Variants in WDFY3 observed in about 807,000 individuals in gnomAD.
The protein encoded by WDFY3 is WD repeat and FYVE domain-containing protein 3.
Under a neutral mutation model 409.6 loss-of-function variants are expected in WDFY3, and 66 were observed. The observed-to-expected ratio is 0.16, with a 90% CI of 0.13 to 0.20. The LOEUF is 0.20. WDFY3 is among the 10% of genes least tolerant of loss of function. The pLI, the probability that WDFY3 is intolerant of heterozygous loss-of-function variation, is 1.00. For synonymous variants in WDFY3, 1,521 were observed against 1,537.1 expected (o/e 0.99, Z 0.25); for missense variants, 3,031 against 4,298.1 (o/e 0.71, Z 8.24).
At chr4:84,885,264 C>T (rs1008958447) in intron 3 of WDFY3, among the ~76,000 whole-genome samples, 7 of 151,630 alleles carry the variant, frequency 4.6e-5, no homozygotes, top group Non-Finnish European at 1.0e-4. Context: ...CTTGGCCTCC[C>T]TAAGTGCTGG....
intron 3 of WDFY3, chr4:84,886,489 C>T (rs1457750982): frequency 6.6e-6 from 1 of 151,822 alleles, no homozygotes; most frequent in Non-Finnish European, 1.5e-5. Flanking sequence ...ATGTTTAAAT[C>T]AGATACATGT....
At chr4:84,830,340 G>C (rs1755519060) in intron 8 of WDFY3, among the ~76,000 whole-genome samples, 1 of 152,132 alleles carries the variant, frequency 6.6e-6, no homozygotes, top group Non-Finnish European at 1.5e-5. Flanking sequence ...ACAGTATTCA[G>C]TACATTACAT....
intron 23 of WDFY3, among the ~76,000 whole-genome samples, chr4:84,786,391 A>G (rs1488289520): frequency 7.2e-5 from 11 of 152,210 alleles, no homozygotes; most frequent in Non-Finnish European, 1.5e-4. Context: ...AGCACAACGT[A>G]AAGGATGAAA....
chr4:84,706,772 A>AAG (rs1253828392), intron 53 of WDFY3, among the ~76,000 whole-genome samples: 1 of 152,002 alleles, frequency 6.6e-6, no homozygotes, highest in East Asian at 1.9e-4. Context: ...AAAGCCACTA[A>AAG]ATTACAAGAG....
chr4:84,796,810 C>T (rs952801390), intron 18 of WDFY3, 58 bp from the exon 19 acceptor site: 1 of 1,436,984 alleles, frequency 7.0e-7, no homozygotes, highest in Non-Finnish European at 9.6e-7. Flanking sequence ...AATAACTTTA[C>T]AAGGCTGATT....
rs752798937 is a variant in WDFY3 at position 84,691,689 on chromosome 4, G to C, written c.9146C>G (p.Thr3049Ser). Residue 3049 changes from threonine to serine, a missense_variant, in exon 60 of 68, where the codon ACT (threonine) becomes AGT (serine). By Grantham distance (58) the Thr-to-Ser change is moderately conservative. Transcript: ENST00000295888. ...GAGGTCTGCATAGCCCCAAGCAAAAGTTTTATTCCAGGTTGGTGGGATAAG... is the reference window on the plus strand; with the variant it reads ...GAGGTCTGCATAGCCCCAAGCAAAACTTTTATTCCAGGTTGGTGGGATAAG... ...KVLIPPTWNK[T>S]FAWGYADLSC... 3.3e-5 allele frequency: 54 copies of C among 1,613,978 alleles called. No homozygotes were observed. Among genetic ancestry groups the C allele is most frequent in the Non-Finnish European group, 4.4e-5 (52 of 1,180,004 alleles).
intron 60 of WDFY3, 23 bp from the exon 61 acceptor site, chr4:84,690,687 GAC>G (rs1729111922): frequency 3.1e-6 from 5 of 1,596,956 alleles, no homozygotes; most frequent in Admixed American, 1.7e-5. Flanking sequence ...ACGGATGTGA[GAC>G]ACACATGCCG....
intron 56 of WDFY3, among the ~76,000 whole-genome samples, chr4:84,699,934 G>A (rs996761060): frequency 2.0e-5 from 3 of 151,004 alleles, no homozygotes; most frequent in Admixed American, 6.6e-5. Context: ...AGTTATAAAA[G>A]TTGTTTATAT....
intron 33 of WDFY3, 73 bp downstream of exon 33, chr4:84,756,853 G>A: frequency 7.0e-7 from 1 of 1,425,630 alleles, no homozygotes; most frequent in African/African-American, 1.4e-5. Context: ...TGGTTTTACA[G>A]TGATTATCCA....
chr4:84,702,543 C>G (rs764603894), intron 55 of WDFY3, 37 bp from the exon 56 acceptor site: 1 of 1,503,170 alleles, frequency 6.7e-7, no homozygotes, highest in Non-Finnish European at 8.9e-7. Flanking sequence ...ATTAGAGAAC[C>G]GTTCCCACCT....
chr4:84,840,863 G>C (rs909550952), intron 6 of WDFY3, among the ~76,000 whole-genome samples: 4 of 151,744 alleles, frequency 2.6e-5, no homozygotes, highest in African/African-American at 9.7e-5. Context: ...TTACAGGTGT[G>C]AGCCTCTGAG....
At chr4:84,705,543 T>C (rs745378786) in intron 53 of WDFY3, 32 bp from the exon 54 acceptor site, 1 of 1,527,476 alleles carries the variant, frequency 6.5e-7, no homozygotes. Flanking sequence ...AATTCCAAGT[T>C]ACTATACACT....
At chr4:84,784,786 C>T (rs547002813) in intron 24 of WDFY3, among the ~76,000 whole-genome samples, 6 of 145,382 alleles carry the variant, frequency 4.1e-5, no homozygotes, top group African/African-American at 1.0e-4. Context: ...TGCAGTGAGC[C>T]GAGATCACAC....
intron 10 of WDFY3, among the ~76,000 whole-genome samples, chr4:84,826,383 T>G (rs1053866255): frequency 5.3e-5 from 8 of 152,190 alleles, no homozygotes; most frequent in Admixed American, 3.3e-4. Context: ...CTTGAGTATC[T>G]GTGGATTTTG....
intron 63 of WDFY3, chr4:84,682,923 A>C (rs577387415): frequency 2.2e-4 from 35 of 158,474 alleles, no homozygotes; most frequent in South Asian, 1.3e-3. Flanking sequence ...CAGAGGTTTC[A>C]GTAAGCCGAG....
intron 3 of WDFY3, among the ~76,000 whole-genome samples, chr4:84,896,242 G>A (rs116423731): frequency 0.066 from 10,084 of 151,824 alleles, 456 homozygotes; most frequent in Admixed American, 0.12. Context: ...GCAACAGAGC[G>A]ACACTACATC....
chr4:84,694,496 T>C (rs1187680842), intron 58 of WDFY3, among the ~76,000 whole-genome samples: 1 of 152,274 alleles, frequency 6.6e-6, no homozygotes, highest in African/African-American at 2.4e-5. Flanking sequence ...TTGATTTTTA[T>C]GTTCAGAATA....
chr4:84,679,841 T>TATATATATATACACAC (rs1235574031), intron 64 of WDFY3, among the ~76,000 whole-genome samples: 13 of 141,314 alleles, frequency 9.2e-5, no homozygotes, highest in African/African-American at 3.4e-4. Flanking sequence ...TATATATATA[T>TATATATATATACACAC]ACACACACAC....
At chr4:84,798,180 AAAAG>A in intron 17 of WDFY3, 72 bp from the exon 18 acceptor site, 2 of 1,279,478 alleles carry the variant, frequency 1.6e-6, no homozygotes, top group Non-Finnish European at 2.2e-6. Flanking sequence ...AATATTCAGA[AAAAG>A]AATTTAATAA....
Sources: allele counts gnomAD v4.1 joint callset (sites outside exome capture counted in the v4.1 genomes callset), GRCh38; gene constraint gnomAD v4.1.1; transcripts MANE v1.5; gene names NCBI Gene and HGNC (gene_info 2026-07-23, HGNC 2026-07-21).